Variants in NEBL observed in about 807,000 individuals in gnomAD.
NEBL encodes the protein LIM and SH3 protein 2.
In NEBL, 122 loss-of-function variants were observed where a neutral mutation model predicts 140.2. The observed-to-expected ratio is 0.87, with a 90% CI of 0.75 to 1.01. The LOEUF (loss-of-function observed/expected upper bound fraction) is 1.01, where lower values mean the gene tolerates loss of function less well. Among genes scored for constraint, NEBL ranks in the 50% least tolerant of loss-of-function variants. The pLI is 0.00. For synonymous variants in NEBL, 436 were observed against 398.9 expected, an observed-to-expected ratio of 1.09 and a Z score of -1.11; for missense variants, 1,365 against 1,231.3, an observed-to-expected ratio of 1.11 and a Z score of -1.62.
upstream of NEBL, among the ~76,000 whole-genome samples, chr10:20,901,517 A>G (rs1468763076): frequency 6.6e-6 from 1 of 152,142 alleles, no homozygotes; most frequent in East Asian, 1.9e-4. Context: ...ATGGTGATAC[A>G]TGATTTAAAA....
At chr10:21,019,994 G>T (rs1838720228) in intron 3 of NEBL, 6 of 844,478 alleles carry the variant, frequency 7.1e-6, no homozygotes, top group Non-Finnish European at 4.1e-6. Flanking sequence ...ACACAGGCCT[G>T]CTTTCAGCCT....
chr10:21,242,972 T>G (rs1044153956), intron 3 of NEBL, among the ~76,000 whole-genome samples: 4 of 152,078 alleles, frequency 2.6e-5, no homozygotes, highest in African/African-American at 9.7e-5. Flanking sequence ...CTCCTTTGGG[T>G]GGCAGGGTTT....
rs879306514 is a variant in NEBL, at chr10:20,860,561, C to CAAAAAAAAAAA, written c.685-736_685-735insTTTTTTTTTTT. On this transcript the variant is annotated intron_variant, in intron 7 of 27. Transcript: ENST00000377122. Reference sequence around the variant, plus strand: ...TTAGAATATAAACACAAGTTCACTACAAAAAGAAAAAAAAAAAAAAAAAAA... The same window carrying CAAAAAAAAAAA: ...TTAGAATATAAACACAAGTTCACTACAAAAAAAAAAAAAAAAGAAAAAAAAAAAAAAAAAAA... 1.8e-4 allele frequency among the ~76,000 whole-genome samples: 11 copies of CAAAAAAAAAAA among 61,942 alleles called. 3 individuals carry two copies. The highest frequency in any genetic ancestry group is 4.2e-4 in the Admixed American group (2 of 4,786). 40.6% of individuals were successfully genotyped at this position (61,942 alleles called of 152,430 possible).
intron 18 of NEBL, 60 bp downstream of exon 18, chr10:20,826,387 C>T: frequency 7.5e-7 from 1 of 1,326,594 alleles, no homozygotes; most frequent in African/African-American, 1.4e-5. Context: ...GAACTAAAAA[C>T]ATTTGTCTAT....
chr10:21,162,330 G>A (rs1177349021), intron 2 of NEBL, among the ~76,000 whole-genome samples: 2 of 149,990 alleles, frequency 1.3e-5, no homozygotes, highest in Non-Finnish European at 3.0e-5. Flanking sequence ...CCTGTGAATT[G>A]TTCCAGCTAA....
intron 3 of NEBL, among the ~76,000 whole-genome samples, chr10:20,965,827 A>G (rs1171365377): frequency 6.6e-6 from 1 of 152,194 alleles, no homozygotes; most frequent in Non-Finnish European, 1.5e-5. Context: ...AGAAGAAAGC[A>G]AAAGTTCTTG....
chr10:20,939,439 A>C (rs1027864379), intron 4 of NEBL, among the ~76,000 whole-genome samples: 19 of 152,328 alleles, frequency 1.2e-4, no homozygotes, highest in Middle Eastern at 3.4e-3. Context: ...AGGAAGCACG[A>C]AACTTGGAAA....
At chr10:20,872,000 A>G (rs1261986921) in intron 5 of NEBL, among the ~76,000 whole-genome samples, 1 of 152,198 alleles carries the variant, frequency 6.6e-6, no homozygotes, top group Non-Finnish European at 1.5e-5. Context: ...ACTGTTTCTA[A>G]GTTACTACAT....
At chr10:21,151,291 C>T (rs765634903) in intron 2 of NEBL, among the ~76,000 whole-genome samples, 2 of 152,186 alleles carry the variant, frequency 1.3e-5, no homozygotes, top group African/African-American at 4.8e-5. Context: ...AATCCTCCTG[C>T]GTCACCACTC....
chr10:21,021,125 C>T (rs1185090540), intron 2 of NEBL, among the ~76,000 whole-genome samples: 1 of 152,166 alleles, frequency 6.6e-6, no homozygotes, highest in Non-Finnish European at 1.5e-5. Context: ...ATCTAGATTC[C>T]TCACACATCC....
chr10:21,140,790 G>A (rs1839591994), intron 2 of NEBL, among the ~76,000 whole-genome samples: 1 of 152,012 alleles, frequency 6.6e-6, no homozygotes, highest in Non-Finnish European at 1.5e-5. Context: ...GGGGCCTGTC[G>A]GGGAGTGGAG....
chr10:20,942,395 G>T (rs1260565340), intron 4 of NEBL, among the ~76,000 whole-genome samples: 1 of 152,146 alleles, frequency 6.6e-6, no homozygotes, highest in Non-Finnish European at 1.5e-5. Context: ...TATGTACAAA[G>T]CTGAAACTGG....
At chr10:21,257,608 G>A (rs1271450066) in intron 1 of NEBL, among the ~76,000 whole-genome samples, 4 of 152,148 alleles carry the variant, frequency 2.6e-5, no homozygotes, top group African/African-American at 7.2e-5. Flanking sequence ...CCAAAACGCC[G>A]TGCATGGTGG....
chr10:20,988,709 C>G lies in NEBL; in HGVS notation c.250-26930G>C, dbSNP rs185010944. 3.5e-4 allele frequency among the ~76,000 whole-genome samples: 54 copies of G among 152,322 alleles called. 1 individual carries two copies. The East Asian group carries it at 9.6e-3, about 27-fold the overall frequency. On this transcript the variant is annotated intron_variant, in intron 3 of 6. Coordinates refer to the NEBL transcript ENST00000417816. ...AACTCCTCAAATAGTTATCCAGATT[C>G]ACAGCTTTGACTTCTCTTCTCTTAC...
intron 4 of NEBL, among the ~76,000 whole-genome samples, chr10:20,941,132 A>C (rs1456531605): frequency 1.3e-5 from 2 of 152,184 alleles, no homozygotes; most frequent in Non-Finnish European, 2.9e-5. Flanking sequence ...AGACACAACA[A>C]AAAAAGGGAA....
intron 1 of NEBL, among the ~76,000 whole-genome samples, chr10:21,289,418 G>A (rs905971706): frequency 1.3e-5 from 2 of 152,336 alleles, no homozygotes; most frequent in South Asian, 4.1e-4. Flanking sequence ...TAGGACTGAA[G>A]TGCCTTTTGT....
chr10:20,824,705 G>A (rs1183656491), intron 18 of NEBL, among the ~76,000 whole-genome samples: 1 of 152,172 alleles, frequency 6.6e-6, no homozygotes, highest in Non-Finnish European at 1.5e-5. Context: ...GGGATGCTAA[G>A]AGAAGAAATG....
rs1233602819 is a variant in NEBL, at chr10:21,173,424, T to G, written c.69+341A>C. Among the ~76,000 whole-genome samples, 1 of 149,434 alleles carries G rather than the reference T, an allele frequency of 6.7e-6. No homozygotes were observed. ...GGGTATTGTGGAACACGAGTGGAGG[T>G]GGAGGGGGCGCGGCTCGCCGAAGTG... is the stretch of plus-strand genomic sequence containing the variant. On this transcript the variant is annotated intron_variant, in intron 1 of 6. Transcript: ENST00000417816. The surrounding 1 kb of genome is among the most constrained non-coding windows in gnomAD (Gnocchi z 5.7).
intron 3 of NEBL, among the ~76,000 whole-genome samples, chr10:21,235,276 A>T (rs1468950244): frequency 6.6e-6 from 1 of 152,080 alleles, no homozygotes; most frequent in Admixed American, 6.5e-5. Context: ...AGCCTGGATG[A>T]CAGAGTGAGA....
Sources: allele counts gnomAD v4.1 joint callset (sites outside exome capture counted in the v4.1 genomes callset), GRCh38; gene constraint gnomAD v4.1.1; non-coding constraint Gnocchi (gnomAD v3.1); transcripts MANE v1.5; gene names NCBI Gene and HGNC (gene_info 2026-07-23, HGNC 2026-07-21).